The following GDI2 variants were observed in gnomAD, a reference collection of about 807,000 sequenced individuals.
The protein encoded by GDI2 is GDP dissociation inhibitor 2, also known as rab GDP dissociation inhibitor beta.
A neutral mutation model predicts 54.2 loss-of-function variants in GDI2; 22 were observed. That is an observed-to-expected ratio of 0.41 (90% CI 0.29 to 0.58). GDI2 has a LOEUF of 0.58. Among genes scored for constraint, GDI2 ranks in the 20% least tolerant of loss-of-function variants. The pLI, the probability that GDI2 is intolerant of heterozygous loss-of-function variation, is 0.35. For synonymous variants in GDI2, 177 were observed against 182.1 expected (o/e 0.97, Z 0.23); for missense variants, 422 against 546.0 (o/e 0.77, Z 2.26).
chr10:5,800,637 G>T lies in GDI2; in HGVS notation c.114C>A (p.Tyr38Ter). The change falls in exon 2 of 11, where the codon TAC becomes TAA. Residue 38 changes from tyrosine to a stop codon, truncating the protein, a stop_gained. Coordinates refer to ENST00000380191, the MANE Select transcript of GDI2 (RefSeq NM_001494.4). LOFTEE classifies it high-confidence loss of function. Reference protein sequence around the residue: ...KKVLHMDRNPYYGGESASITP... With the variant: ...KKVLHMDRNP ...TTATAGATGCACTCTCTCCTCCGTA[G>T]TAAGGGTTTCGATCCATATGAAGAA... The T allele has an allele frequency of 6.3e-7, 1 of 1,595,998 alleles. No individual in the cohort carries two copies. Among genetic ancestry groups the T allele is most frequent in the Non-Finnish European group, 8.6e-7 (1 of 1,163,438 alleles).
chr10:5,806,359 A>AAGCCCAATAGTTCAACACC lies in GDI2; in HGVS notation c.46-5655_46-5654insGGTGTTGAACTATTGGGCT, dbSNP rs6143757. 4.0e-5 allele frequency among the ~76,000 whole-genome samples: 6 copies of AAGCCCAATAGTTCAACACC among 151,100 alleles called. No individual in the cohort carries two copies. The East Asian group carries it at 1.2e-3, about 29-fold the overall frequency. ...GGAGGCCAAGGTGGGAGAATCGCTT[A>AAGCCCAATAGTTCAACACC]AGCCCAGGTAACACAGTGAGACCCC... On this transcript the variant is annotated intron_variant, in intron 1 of 10. Coordinates refer to ENST00000380191, the MANE Select transcript of GDI2 (RefSeq NM_001494.4).
chr10:5,794,832 C>G, intron 4 of GDI2, 53 bp downstream of exon 4: 2 of 1,220,668 alleles, frequency 1.6e-6, no homozygotes, highest in Non-Finnish European at 2.4e-6. Context: ...AGTATAAAAT[C>G]TCATTATTCT....
In GDI2 at chr10:5,765,442, G is replaced by A. The variant is rs1363208471; in HGVS notation, c.*564C>T. On this transcript the variant is annotated 3_prime_UTR_variant, in exon 11 of 11. Transcript: ENST00000380191. ...TTATTAGGTTAAAACACCACATACA[G>A]GCTTTCTCCAAATGACTCCCTATGT... The A allele has an allele frequency of 6.6e-6, 1 of 152,668 alleles. No individual in the cohort carries two copies. Among genetic ancestry groups the A allele is most frequent in the African/African-American group, 2.4e-5 (1 of 41,404 alleles). The allele number at this position is 152,668 out of a possible 1,614,324, so 9.5% of individuals were successfully genotyped here.
intron 1 of GDI2, among the ~76,000 whole-genome samples, chr10:5,806,035 T>C (rs149332086): frequency 2.6e-5 from 4 of 152,364 alleles, no homozygotes; most frequent in Admixed American, 6.5e-5. Flanking sequence ...GCATGTGTCT[T>C]CTAAGTGTGC....
chr10:5,798,726 G>C (rs57832226), intron 2 of GDI2, among the ~76,000 whole-genome samples: 10,168 of 150,712 alleles, frequency 0.067, 880 homozygotes, highest in East Asian at 0.43. Context: ...ACCTGTAACC[G>C]CAGCACTTTG....
intron 6 of GDI2, 52 bp from the exon 7 acceptor site, chr10:5,773,993 A>G (rs748712324): frequency 7.9e-6 from 6 of 756,200 alleles, no homozygotes; most frequent in East Asian, 5.0e-5. Flanking sequence ...TTCAACTCCT[A>G]AAGTCCCCTT....
At position 5,786,013 on chromosome 10, in the gene GDI2, T is replaced by G; in HGVS notation, c.426A>C (p.Lys142Asn). Residue 142 changes from lysine to asparagine, a missense_variant, in exon 5 of 11, where the codon AAA becomes AAC. Transcript: ENST00000380191. Reference sequence around the variant, plus strand: ...CGAAGTTGGCAACATACACTAGGAATTTCCTGAAGCGACGTTTTTCAAACA... The same window carrying G: ...CGAAGTTGGCAACATACACTAGGAAGTTCCTGAAGCGACGTTTTTCAAACA... ...MGLFEKRRFR[K>N]FLVYVANFDE... 1 of 1,613,844 alleles carries G rather than the reference T, an allele frequency of 6.2e-7. No individual in the cohort carries two copies. Among genetic ancestry groups the G allele is most frequent in the Non-Finnish European group, 8.5e-7 (1 of 1,179,840 alleles).
At chr10:5,767,623 T>C (rs1352856488) in intron 8 of GDI2, among the ~76,000 whole-genome samples, 4 of 152,202 alleles carry the variant, frequency 2.6e-5, no homozygotes, top group Non-Finnish European at 4.4e-5. Flanking sequence ...AAAATCATTA[T>C]ACAGATAGCT....
chr10:5,769,300 G>C (rs999840333), intron 7 of GDI2: 1 of 152,236 alleles, frequency 6.6e-6, no homozygotes, highest in East Asian at 1.9e-4. Flanking sequence ...GGCTGGGCGC[G>C]GTGGCTCACG....
At chr10:5,790,810 A>C (rs918244643) in intron 4 of GDI2, among the ~76,000 whole-genome samples, 10 of 152,070 alleles carry the variant, frequency 6.6e-5, no homozygotes, top group Non-Finnish European at 8.8e-5. Flanking sequence ...GTTAAAACTC[A>C]CTTCTTCCAA....
At chr10:5,800,572 G>T (rs945227734) in intron 2 of GDI2, 26 bp downstream of exon 2, 44 of 961,996 alleles carry the variant, frequency 4.6e-5, no homozygotes, top group Non-Finnish European at 7.4e-5. Context: ...AGTGTGAGAG[G>T]CGTATGAAAT....
chr10:5,785,886 T>C lies in GDI2; in HGVS notation c.553A>G (p.Thr185Ala). 1 of 1,611,368 alleles carries C rather than the reference T, an allele frequency of 6.2e-7. No individual in the cohort carries two copies. The highest frequency in any genetic ancestry group is 8.5e-7 in the Non-Finnish European group (1 of 1,177,634). Reference sequence around the variant, plus strand: ...CTGTAAAGTGCAAGAGCATGACCAGTAAAATCTATAACGTCTTGACCCAAA... The same window carrying C: ...CTGTAAAGTGCAAGAGCATGACCAGCAAAATCTATAACGTCTTGACCCAAA... ...FDLGQDVIDFTGHALALYRTD... is the reference protein window; with the variant it reads ...FDLGQDVIDFAGHALALYRTD... The change falls in exon 5 of 11, where the codon ACT becomes GCT. Residue 185 changes from threonine to alanine, a missense_variant. Transcript: ENST00000380191.
chr10:5,810,974 G>GA (rs774629021), intron 1 of GDI2, among the ~76,000 whole-genome samples: 4 of 152,150 alleles, frequency 2.6e-5, no homozygotes, highest in Non-Finnish European at 2.9e-5. Context: ...TCCTAACACT[G>GA]AAAGTACTTG....
intron 6 of GDI2, among the ~76,000 whole-genome samples, chr10:5,784,380 T>C (rs1165440958): frequency 6.6e-6 from 1 of 152,228 alleles, no homozygotes; most frequent in African/African-American, 2.4e-5. Flanking sequence ...CTCTCGTGCC[T>C]CCTTGATTGG....
rs1482347654 is a variant in GDI2, at chr10:5,774,579, G to C, written c.720-638C>G. 6.6e-6 allele frequency among the ~76,000 whole-genome samples: 1 copy of C among 152,096 alleles called. No individual in the cohort carries two copies. Among genetic ancestry groups the C allele is most frequent in the Non-Finnish European group, 1.5e-5 (1 of 68,026 alleles). On this transcript the variant is annotated intron_variant, in intron 6 of 10. Transcript: ENST00000380191. This position sits in a 1 kb window ranked among gnomAD's most constrained non-coding sequence, Gnocchi z 4.8. ...GGAACAGTTCCTCTCGGCCGCAGCG[G>C]CTCTGCATCCATAGCTTATCCCTCC...
chr10:5,779,365 G>A lies in GDI2; in HGVS notation c.720-5424C>T, dbSNP rs117203792. On this transcript the variant is annotated intron_variant, in intron 6 of 10. Transcript: ENST00000380191. ...TCTACTAAAAATACAAAAATCACCC[G>A]AGTGTGGTGGCATGTGCCTGTAATC... Among the ~76,000 whole-genome samples, 898 of 151,938 alleles carry A rather than the reference G, an allele frequency of 5.9e-3. 11 individuals are homozygous for A. Among genetic ancestry groups the A allele is most frequent in the Middle Eastern group, 0.041 (12 of 292 alleles).
chr10:5,773,129 A>C (rs975797690), intron 7 of GDI2, among the ~76,000 whole-genome samples: 2 of 152,152 alleles, frequency 1.3e-5, no homozygotes, highest in Non-Finnish European at 2.9e-5. Flanking sequence ...CAAACTTTCC[A>C]GTGAGACCTA....
Position 5,785,990 on chromosome 10 carries a change from A to T in GDI2, c.449T>A (p.Phe150Tyr), listed in dbSNP as rs1840866418. The change falls in exon 5 of 11, where the codon TTC becomes TAC. Residue 150 changes from phenylalanine (F) to tyrosine (Y), a missense_variant. Phe to Tyr is a conservative substitution (Grantham distance 22). Transcript: ENST00000380191. Reference protein sequence around the residue: ...FRKFLVYVANFDEKDPRTFEG... With the variant: ...FRKFLVYVANYDEKDPRTFEG... ...AAAAGTTCTTGGATCTTTTTCATCG[A>T]AGTTGGCAACATACACTAGGAATTT... The T allele has an allele frequency of 6.2e-7, 1 of 1,613,702 alleles. No individual in the cohort carries two copies. The highest frequency in any genetic ancestry group is 8.5e-7 in the Non-Finnish European group (1 of 1,179,702).
intron 1 of GDI2, among the ~76,000 whole-genome samples, chr10:5,802,166 A>C (rs80025066): frequency 0.024 from 3,682 of 152,286 alleles, 67 homozygotes; most frequent in Non-Finnish European, 0.032. Context: ...TTTTTTATGA[A>C]TAATCATTTT....
Sources: allele counts gnomAD v4.1 joint callset (sites outside exome capture counted in the v4.1 genomes callset), GRCh38; gene constraint gnomAD v4.1.1; non-coding constraint Gnocchi (gnomAD v3.1); transcripts MANE v1.5; gene names NCBI Gene and HGNC (gene_info 2026-07-23, HGNC 2026-07-21).